P4HB: variants seen among roughly 807,000 people sequenced by gnomAD.
The protein encoded by P4HB is protein disulfide-isomerase.
P4HB carries 20 observed loss-of-function variants against 52.6 expected under a neutral mutation model. The ratio of observed to expected loss-of-function variants is 0.38; its 90% CI spans 0.27 to 0.55. The LOEUF (loss-of-function observed/expected upper bound fraction) is 0.55, where lower values mean the gene tolerates loss of function less well. P4HB is among the 20% of genes least tolerant of loss of function. The pLI, the probability that P4HB is intolerant of heterozygous loss-of-function variation, is 0.74. For synonymous variants in P4HB, 296 were observed against 277.9 expected (o/e 1.07, Z -0.65); for missense variants, 601 against 669.2 (o/e 0.90, Z 1.12).
intron 4 of P4HB, among the ~76,000 whole-genome samples, chr17:81,849,182 C>T (rs2038788839): frequency 6.6e-6 from 1 of 151,362 alleles, no homozygotes; most frequent in Non-Finnish European, 1.5e-5. Flanking sequence ...GATCGCACCA[C>T]TGCACTCCAG....
At chr17:81,859,639 C>T (rs528171464) in intron 1 of P4HB, 2 of 535,558 alleles carry the variant, frequency 3.7e-6, no homozygotes, top group East Asian at 3.3e-5. Context: ...ACCATCAGCA[C>T]AGCCAGACAA....
intron 2 of P4HB, 182 bp downstream of exon 2, chr17:81,858,999 G>C (rs569053368): frequency 1.8e-4 from 111 of 604,910 alleles, no homozygotes; most frequent in Admixed American, 8.4e-4. Context: ...GTTCTTCCAG[G>C]ATGAAAACTC....
At chr17:81,850,426 G>A (rs2038811186) in intron 4 of P4HB, among the ~76,000 whole-genome samples, 1 of 151,964 alleles carries the variant, frequency 6.6e-6, no homozygotes, top group Admixed American at 6.6e-5. Flanking sequence ...GTGAGCCACT[G>A]CACCTGGACA....
chr17:81,845,134 C>T lies in P4HB; in HGVS notation c.1446+10G>A, dbSNP rs767932018. 4 of 1,604,436 alleles carry T rather than the reference C, an allele frequency of 2.5e-6. No individual in the cohort carries two copies. Among genetic ancestry groups the T allele is most frequent in the African/African-American group, 1.3e-5 (1 of 74,854 alleles). On this transcript the variant is annotated intron_variant, in intron 10 of 10. Coordinates refer to ENST00000331483, the MANE Select transcript of P4HB (RefSeq NM_000918.4). ...CCCAGAGACCAGCCCAGGGCTGTGACCCCACTCACGTCATCATCCCCTGCC... is the reference window on the plus strand; with the variant it reads ...CCCAGAGACCAGCCCAGGGCTGTGATCCCACTCACGTCATCATCCCCTGCC...
In P4HB at chr17:81,859,349, C is replaced by G; in HGVS notation, c.184G>C (p.Glu62Gln). The stretch of plus-strand genomic sequence containing the variant: ...AGCTTCCCAGCGGCTTTGGCATACT[C>G]AGGGGCCAGAGCCTTGCAGTGGCCA... ...WCGHCKALAPEYAKAAGKLKA... is the reference protein window; with the variant it reads ...WCGHCKALAPQYAKAAGKLKA... The change falls in exon 2 of 11, where the codon GAG becomes CAG. Residue 62 changes from glutamate to glutamine, a missense_variant. By Grantham distance (29) the Glu-to-Gln change is conservative (BLOSUM62 2). Transcript: ENST00000331483. The G allele has an allele frequency of 1.2e-6, 2 of 1,613,906 alleles. No homozygotes were observed. Among genetic ancestry groups the G allele is most frequent in the Non-Finnish European group, 1.7e-6 (2 of 1,180,018 alleles).
chr17:81,859,092 C>T, intron 2 of P4HB, 89 bp downstream of exon 2: 2 of 1,246,954 alleles, frequency 1.6e-6, no homozygotes, highest in Non-Finnish European at 2.3e-6. Context: ...ACCCGGCCTC[C>T]CCACCGCTCA....
At position 81,855,816 on chromosome 17, in the gene P4HB, T is replaced by C; in HGVS notation, c.353-230A>G. 2.1e-6 allele frequency: 1 copy of C among 487,404 alleles called. No homozygotes were observed. Among genetic ancestry groups the C allele is most frequent in the Middle Eastern group, 5.3e-4 (1 of 1,888 alleles). The allele number at this position is 487,404 out of a possible 1,614,324, so 30.2% of individuals were successfully genotyped here. On this transcript the variant is annotated intron_variant, in intron 2 of 10. Transcript: ENST00000331483. This position sits in a 1 kb window ranked among gnomAD's most constrained non-coding sequence, Gnocchi z 4.3. The stretch of plus-strand genomic sequence containing the variant: ...GGGGAGTGGAGAGGGAAGAGGGTGA[T>C]TCTGTCTCTGAATAACAGGATCACA...
rs747722879 is a variant in P4HB, at chr17:81,855,018, C to T, written c.624+124G>A. ...GCAACACCCCAACTTGGCAAAGCTGCAGAACATACCTATTGGGCCAAAGGT... is the reference window on the plus strand; with the variant it reads ...GCAACACCCCAACTTGGCAAAGCTGTAGAACATACCTATTGGGCCAAAGGT... On this transcript the variant is annotated intron_variant, in intron 4 of 10. Coordinates refer to ENST00000331483, the MANE Select transcript of P4HB (RefSeq NM_000918.4). The surrounding 1 kb of genome is among the most constrained non-coding windows in gnomAD (Gnocchi z 4.3). The T allele has an allele frequency of 5.5e-5, 51 of 923,716 alleles. No individual in the cohort carries two copies. Among genetic ancestry groups the T allele is most frequent in the Non-Finnish European group, 8.3e-5 (48 of 579,862 alleles). 57.2% of individuals were successfully genotyped at this position (923,716 alleles called of 1,614,324 possible). A position where few individuals can be genotyped will look rare whatever the true frequency, so the allele number is the denominator to read the frequency against.
At chr17:81,848,919 A>G (rs112866665) in intron 4 of P4HB, among the ~76,000 whole-genome samples, 3,138 of 150,958 alleles carry the variant, frequency 0.021, 111 homozygotes, top group African/African-American at 0.07. Context: ...GGTGGTGCAC[A>G]CCTGTAATCC....
intron 4 of P4HB, 123 bp from the exon 5 acceptor site, chr17:81,847,470 G>A: frequency 1.3e-6 from 1 of 778,092 alleles, no homozygotes; most frequent in South Asian, 1.4e-5. Flanking sequence ...GGGGTTTCGA[G>A]CCACAGGTCC....
chr17:81,856,059 G>C (rs2038907967), intron 2 of P4HB: 1 of 153,676 alleles, frequency 6.5e-6, no homozygotes, highest in South Asian at 2.0e-4. Context: ...TGTAGAGACG[G>C]GGTTTTGCCA....
chr17:81,847,076 T>TGA lies in P4HB; in HGVS notation c.730-5_730-4insTC. 1 of 1,614,016 alleles carries TGA rather than the reference T, an allele frequency of 6.2e-7. No homozygotes were observed. On this transcript the variant is annotated splice_polypyrimidine_tract_variant and splice_region_variant and intron_variant, in intron 5 of 10. Transcript: ENST00000331483. ...CTCCAAAAATCTTCGGGGCTGTCTGTGTTATAAACTTAAGTTACTGGGTCT... is the reference window on the plus strand; with the variant it reads ...CTCCAAAAATCTTCGGGGCTGTCTGTGAGTTATAAACTTAAGTTACTGGGTCT...
chr17:81,857,438 C>T (rs1348893127), intron 2 of P4HB, among the ~76,000 whole-genome samples: 2 of 152,176 alleles, frequency 1.3e-5, no homozygotes, highest in Non-Finnish European at 2.9e-5. Flanking sequence ...CATGAGCCAC[C>T]GCACCCAGCC....
At position 81,846,177 on chromosome 17, in the gene P4HB, GCCCAC is replaced by G. The variant is rs2038732722; in HGVS notation, c.1057-191_1057-187del. ...TGGGCCAGTGGGCTGGGCCCAATGA[GCCCAC>G]GCAGGCCGCACCCTCGCCGGCCAGG... On this transcript the variant is annotated intron_variant, in intron 7 of 10. Coordinates refer to ENST00000331483, the MANE Select transcript of P4HB (RefSeq NM_000918.4). This position sits in a 1 kb window ranked among gnomAD's most constrained non-coding sequence, Gnocchi z 5.7. Among the ~76,000 whole-genome samples, 1 of 152,240 alleles carries G rather than the reference GCCCAC, an allele frequency of 6.6e-6. No homozygotes were observed. The highest frequency in any genetic ancestry group is 2.1e-4 in the South Asian group (1 of 4,834).
intron 1 of P4HB, 112 bp downstream of exon 1, chr17:81,860,215 G>T: frequency 1.1e-6 from 1 of 919,438 alleles, no homozygotes; most frequent in Non-Finnish European, 1.5e-6. Flanking sequence ...GAGCCCTTCA[G>T]TTCCGGGCGC....
intron 2 of P4HB, among the ~76,000 whole-genome samples, chr17:81,857,648 G>A (rs1213947186): frequency 6.6e-6 from 1 of 152,190 alleles, no homozygotes; most frequent in Admixed American, 6.5e-5. Flanking sequence ...GGCGTTTCGG[G>A]AGTTCTCGCC....
intron 4 of P4HB, among the ~76,000 whole-genome samples, chr17:81,851,026 G>A (rs1371500733): frequency 6.6e-6 from 1 of 151,890 alleles, no homozygotes; most frequent in African/African-American, 2.4e-5. Flanking sequence ...CGCCTCCTGA[G>A]TTCACGCCAT....
At chr17:81,850,225 C>T (rs1476931950) in intron 4 of P4HB, among the ~76,000 whole-genome samples, 1 of 151,780 alleles carries the variant, frequency 6.6e-6, no homozygotes, top group Non-Finnish European at 1.5e-5. Flanking sequence ...CTCTGCCTCC[C>T]GGGTTAAAGC....
Position 81,859,261 on chromosome 17 carries a change from G to C in P4HB, c.272C>G (p.Ala91Gly). Residue 91 changes from alanine to glycine, a missense_variant, in exon 2 of 11, where the codon GCC (alanine) becomes GGC (glycine). Physicochemically the swap from Ala to Gly is moderately conservative, Grantham distance 60 (BLOSUM62 0). Coordinates refer to ENST00000331483, the MANE Select transcript of P4HB (RefSeq NM_000918.4). The part of the protein sequence containing the change: ...KVDATEESDL[A>G]QQYGVRGYPT... ...ATAGCCGCGCACGCCGTACTGCTGG[G>C]CCAGGTCAGACTCCTCCGTGGCGTC... 6.2e-7 allele frequency: 1 copy of C among 1,614,030 alleles called. No homozygotes were observed. The highest frequency in any genetic ancestry group is 1.7e-4 in the Middle Eastern group (1 of 6,060).
Sources: allele counts gnomAD v4.1 joint callset (sites outside exome capture counted in the v4.1 genomes callset), GRCh38; gene constraint gnomAD v4.1.1; non-coding constraint Gnocchi (gnomAD v3.1); transcripts MANE v1.5; gene names NCBI Gene and HGNC (gene_info 2026-07-23, HGNC 2026-07-21).